Variants in ARHGAP6 observed in about 807,000 individuals in gnomAD.
ARHGAP6 encodes Rho GTPase activating protein 6, also known as rho GTPase-activating protein 6.
Under a neutral mutation model 55.7 loss-of-function variants are expected in ARHGAP6, and 16 were observed. The ratio of observed to expected loss-of-function variants is 0.29; its 90% CI spans 0.19 to 0.44. The LOEUF is 0.44. Ranked by LOEUF, ARHGAP6 falls within the 20% of genes least tolerant of loss-of-function variation. ARHGAP6 has a pLI of 1.00. For missense variants in ARHGAP6, 698 were observed against 808.9 expected, an observed-to-expected ratio of 0.86 and a Z score of 1.66; for synonymous variants, 382 against 360.9, an observed-to-expected ratio of 1.06 and a Z score of -0.66.
chrX:11,182,635 C>CTTT (rs1043810466), intron 5 of ARHGAP6, among the ~76,000 whole-genome samples: 3 of 83,128 alleles, frequency 3.6e-5, no homozygotes, highest in African/African-American at 4.5e-5. Context: ...TTCCTTTTTT[C>CTTT]TTTTTTTTTT....
At position 11,501,707 on chromosome X, in the gene ARHGAP6, A is replaced by G. The variant is rs781648701; in HGVS notation, c.588+162534T>C. On this transcript the variant is annotated intron_variant, in intron 1 of 12. Coordinates refer to ENST00000337414, the MANE Select transcript of ARHGAP6 (RefSeq NM_013427.3). ...ATGTATTATATACCGTATTCTTACA[A>G]TAAAGTAGGCTAGAAAAAAGTAATA... Among the ~76,000 whole-genome samples the G allele has an allele frequency of 1.7e-3, 191 of 112,116 alleles. 1 individual carries two copies. The highest frequency in any genetic ancestry group is 2.2e-3 in the Non-Finnish European group (115 of 53,287).
At chrX:11,294,018 T>A (rs1369849014) in intron 1 of ARHGAP6, among the ~76,000 whole-genome samples, 1 of 112,809 alleles carries the variant, frequency 8.9e-6, no homozygotes. Flanking sequence ...GGACCTGTTT[T>A]GCTTAATGTC....
chrX:11,590,848 AAAGAAAAG>A (rs2051807784), intron 1 of ARHGAP6, among the ~76,000 whole-genome samples: 1 of 51,925 alleles, frequency 1.9e-5, no homozygotes, highest in East Asian at 6.6e-4. Context: ...AAAGAAAAGA[AAAGAAAAG>A]AAAAGAAAAG....
intron 1 of ARHGAP6, among the ~76,000 whole-genome samples, chrX:11,332,570 C>T (rs999583370): frequency 1.8e-5 from 2 of 111,704 alleles, no homozygotes; most frequent in African/African-American, 6.5e-5. Flanking sequence ...GACTCAAGTT[C>T]ATGTTGATGA....
chrX:11,143,998 CAGG>C lies in ARHGAP6; in HGVS notation c.2155_2157del (p.Pro719del), dbSNP rs1440611734. ...CAGTTACCTTTCCCAAGCCTTGGTC[CAGG>C]AGAACTTTCCCTTGACTTTGACGAC... On this transcript the variant is annotated inframe_deletion, in exon 11 of 13. Transcript: ENST00000337414. 1.7e-6 allele frequency: 2 copies of C among 1,211,960 alleles called. No individual in the cohort carries two copies. Among genetic ancestry groups the C allele is most frequent in the South Asian group, 3.5e-5 (2 of 56,983 alleles).
intron 1 of ARHGAP6, among the ~76,000 whole-genome samples, chrX:11,500,905 G>C (rs1167200262): frequency 9.0e-6 from 1 of 110,713 alleles, no homozygotes; most frequent in Non-Finnish European, 1.9e-5. Flanking sequence ...CATGATTCAT[G>C]AAACACCCAC....
chrX:11,168,826 A>C (rs752606249), intron 9 of ARHGAP6, among the ~76,000 whole-genome samples: 1 of 112,492 alleles, frequency 8.9e-6, no homozygotes, highest in African/African-American at 3.2e-5. Context: ...CAGTTTGATG[A>C]AGGAAAACAG....
intron 1 of ARHGAP6, among the ~76,000 whole-genome samples, chrX:11,494,185 C>A (rs950096301): frequency 6.2e-5 from 7 of 112,069 alleles, no homozygotes; most frequent in African/African-American, 1.6e-4. Flanking sequence ...TCCAGCATAG[C>A]CAGATGTCCT....
intron 1 of ARHGAP6, among the ~76,000 whole-genome samples, chrX:11,383,146 G>T (rs765241142): frequency 1.8e-5 from 2 of 111,818 alleles, no homozygotes; most frequent in African/African-American, 3.2e-5. Context: ...GTATTTTTAA[G>T]AGCCTTTTTT....
chrX:11,576,244 A>G (rs778980224), intron 1 of ARHGAP6, among the ~76,000 whole-genome samples: 1 of 112,018 alleles, frequency 8.9e-6, no homozygotes, highest in East Asian at 2.8e-4. Context: ...CTGTCACTTT[A>G]TTAAAAATTA....
chrX:11,363,788 T>C (rs1215888986), intron 1 of ARHGAP6, among the ~76,000 whole-genome samples: 4 of 112,296 alleles, frequency 3.6e-5, no homozygotes, highest in Non-Finnish European at 7.5e-5. Context: ...AAAAAGCAGA[T>C]TGGCAATTTC....
At chrX:11,478,681 GA>G (rs895120894) in intron 1 of ARHGAP6, among the ~76,000 whole-genome samples, 6 of 111,203 alleles carry the variant, frequency 5.4e-5, no homozygotes, top group Non-Finnish European at 7.6e-5. Context: ...TGCAAAGCAT[GA>G]AAAAAAACCC....
chrX:11,322,517 C>T (rs1472638313), intron 1 of ARHGAP6, among the ~76,000 whole-genome samples: 3 of 111,515 alleles, frequency 2.7e-5, no homozygotes, highest in African/African-American at 6.5e-5. Context: ...CACCACCATG[C>T]CTGGCTAATT....
At chrX:11,624,281 A>C in intron 1 of ARHGAP6, among the ~76,000 whole-genome samples, 1 of 112,792 alleles carries the variant, frequency 8.9e-6, no homozygotes, top group Non-Finnish European at 1.9e-5. Context: ...CTAGAAGAAA[A>C]CAACAGGGCA....
intron 1 of ARHGAP6, among the ~76,000 whole-genome samples, chrX:11,613,708 A>T (rs1239211045): frequency 1.8e-5 from 2 of 112,115 alleles, no homozygotes; most frequent in East Asian, 5.6e-4. Flanking sequence ...TCTTCTGGCA[A>T]TGTAGTTTGT....
intron 1 of ARHGAP6, among the ~76,000 whole-genome samples, chrX:11,460,690 C>T (rs1396493448): frequency 8.9e-6 from 1 of 111,787 alleles, no homozygotes; most frequent in African/African-American, 3.3e-5. Flanking sequence ...CTTGGTTGGA[C>T]CTAATTATAT....
intron 1 of ARHGAP6, among the ~76,000 whole-genome samples, chrX:11,454,694 C>T (rs774800146): frequency 2.0e-4 from 22 of 112,042 alleles, no homozygotes; most frequent in Middle Eastern, 4.6e-3. Flanking sequence ...AGAAGTCCTG[C>T]TTGAAAATCC....
chrX:11,278,531 C>A (rs1172908437), intron 1 of ARHGAP6, among the ~76,000 whole-genome samples: 3 of 111,797 alleles, frequency 2.7e-5, no homozygotes, highest in African/African-American at 9.7e-5. Flanking sequence ...AGATTTCTAA[C>A]CTACAGCACT....
At chrX:11,344,678 C>CAAAAAAAAAAAAAAAAAAAAAAAAAAAA (rs34123570) in intron 1 of ARHGAP6, among the ~76,000 whole-genome samples, 1 of 28,271 alleles carries the variant, frequency 3.5e-5, no homozygotes, top group Non-Finnish European at 5.8e-5. Flanking sequence ...AACTCCATCA[C>CAAAAAAAAAAAAAAAAAAAAAAAAAAAA]AAAAAAAAAA....
Sources: gnomAD v4.1 joint callset for allele counts (sites outside exome capture counted in the v4.1 genomes callset) on GRCh38, gnomAD v4.1.1 for gene constraint, MANE v1.5 for transcripts, NCBI Gene and HGNC (gene_info 2026-07-23, HGNC 2026-07-21) for gene names.